Variants in ANXA10 observed in about 807,000 individuals in gnomAD.
The protein encoded by ANXA10 is annexin 14.
In ANXA10, 49 loss-of-function variants were observed where a neutral mutation model predicts 53.5. That is an observed-to-expected ratio of 0.92 (90% CI 0.73 to 1.16). The LOEUF (loss-of-function observed/expected upper bound fraction) is 1.16. Ranked by LOEUF, ANXA10 falls within the 50% of genes most tolerant of loss-of-function variation. The pLI, the probability that ANXA10 is intolerant of heterozygous loss-of-function variation, is 0.00. For synonymous variants in ANXA10, 131 were observed against 128.9 expected (o/e 1.02, Z -0.11); for missense variants, 393 against 394.4 (o/e 1.00, Z 0.03).
At chr4:168,122,959 G>A (rs1731011181) in intron 1 of ANXA10, among the ~76,000 whole-genome samples, 1 of 152,108 alleles carries the variant, frequency 6.6e-6, no homozygotes, top group Non-Finnish European at 1.5e-5. Context: ...TCAAAATCCT[G>A]CCAGTCTATT....
chr4:168,105,259 C>G (rs1488049707), intron 1 of ANXA10, among the ~76,000 whole-genome samples: 2 of 151,924 alleles, frequency 1.3e-5, no homozygotes, highest in East Asian at 3.9e-4. Context: ...TGACTCTCTC[C>G]ATTCTCCCAC....
At chr4:168,174,581 G>C (rs758168957) in intron 6 of ANXA10, among the ~76,000 whole-genome samples, 15 of 152,322 alleles carry the variant, frequency 9.8e-5, no homozygotes, top group Non-Finnish European at 2.1e-4. Flanking sequence ...CACAAGCCCA[G>C]GGCGAGCAAG....
Position 168,165,267 on chromosome 4 carries a change from G to A in ANXA10, c.421G>A (p.Glu141Lys). 6.3e-6 allele frequency: 10 copies of A among 1,590,860 alleles called. 1 individual carries two copies. The South Asian group carries it at 6.8e-5, about 11-fold the overall frequency. Residue 141 changes from glutamate to lysine, a missense_variant, in exon 6 of 12, where the codon GAG becomes AAG. Transcript: ENST00000359299. ...YCLQYSNNLQEDIYSETSGHF... is the reference protein window; with the variant it reads ...YCLQYSNNLQKDIYSETSGHF... Reference sequence around the variant, plus strand: ...TACAGAATACAGCAATAACCTCCAAGAGGACATTTATTCAGAGACCTCAGG... The same window carrying A: ...TACAGAATACAGCAATAACCTCCAAAAGGACATTTATTCAGAGACCTCAGG...
chr4:168,112,068 C>T (rs535131353), intron 1 of ANXA10, among the ~76,000 whole-genome samples: 7 of 152,152 alleles, frequency 4.6e-5, no homozygotes, highest in South Asian at 4.1e-4. Flanking sequence ...CCAAGGCAGG[C>T]GGATCACTTG....
At chr4:168,114,517 G>A (rs1730859952) in intron 1 of ANXA10, among the ~76,000 whole-genome samples, 1 of 152,052 alleles carries the variant, frequency 6.6e-6, no homozygotes, top group African/African-American at 2.4e-5. Context: ...TGTTTTTTTA[G>A]CAATTTTTAA....
At chr4:168,131,540 T>C (rs1731156896) in intron 2 of ANXA10, among the ~76,000 whole-genome samples, 1 of 152,036 alleles carries the variant, frequency 6.6e-6, no homozygotes, top group South Asian at 2.1e-4. Flanking sequence ...TTCTGTCTGC[T>C]GGATTTTTAA....
intron 1 of ANXA10, among the ~76,000 whole-genome samples, chr4:168,099,398 T>A (rs1293515786): frequency 6.6e-6 from 1 of 152,124 alleles, no homozygotes; most frequent in African/African-American, 2.4e-5. Flanking sequence ...GTACCTTTCC[T>A]CACCTGTGGG....
intron 3 of ANXA10, among the ~76,000 whole-genome samples, chr4:168,155,803 T>G (rs1178920656): frequency 3.5e-5 from 1 of 28,730 alleles, no homozygotes. Flanking sequence ...TAATATATAA[T>G]ATATGATATA....
chr4:168,162,030 T>C (rs773863896), intron 3 of ANXA10, among the ~76,000 whole-genome samples: 7 of 152,202 alleles, frequency 4.6e-5, no homozygotes, highest in Non-Finnish European at 7.3e-5. Context: ...ATATTGCTTG[T>C]TATTTGAAGA....
intron 6 of ANXA10, among the ~76,000 whole-genome samples, chr4:168,165,888 G>A (rs1335762708): frequency 6.6e-6 from 1 of 152,044 alleles, no homozygotes; most frequent in African/African-American, 2.4e-5. Flanking sequence ...TGTTGGCAAG[G>A]CTGGTCTCAA....
intron 1 of ANXA10, among the ~76,000 whole-genome samples, chr4:168,110,020 C>T (rs1029526034): frequency 2.0e-5 from 3 of 152,040 alleles, no homozygotes; most frequent in Admixed American, 6.6e-5. Flanking sequence ...ACCATCCTGG[C>T]GAAGACGGTG....
rs1267953555 is a variant in ANXA10, at chr4:168,092,732, T to C, written c.18+14T>C. ...TGTGGAGACTATGTGAGTATAATGC[T>C]TATTTCTGTAAAGCTTTTCACTCTT... On this transcript the variant is annotated intron_variant, in intron 1 of 11. Transcript: ENST00000359299. The C allele has an allele frequency of 1.3e-6, 2 of 1,558,650 alleles. No homozygotes were observed. The highest frequency in any genetic ancestry group is 1.7e-6 in the Non-Finnish European group (2 of 1,154,912).
At chr4:168,115,989 C>T (rs538631687) in intron 1 of ANXA10, among the ~76,000 whole-genome samples, 3 of 152,032 alleles carry the variant, frequency 2.0e-5, no homozygotes, top group East Asian at 1.9e-4. Flanking sequence ...TCTCTGAGCT[C>T]GCATTACGTC....
chr4:168,128,164 T>G lies in ANXA10; in HGVS notation c.99T>G (p.Phe33Leu), dbSNP rs772244873. The G allele has an allele frequency of 4.0e-5, 64 of 1,610,458 alleles. No homozygotes were observed. The highest frequency in any genetic ancestry group is 5.4e-5 in the Non-Finnish European group (64 of 1,177,240). The change falls in exon 2 of 12, where the codon TTT (phenylalanine) becomes TTG (leucine). Residue 33 changes from phenylalanine (F) to leucine (L), a missense_variant and splice_region_variant. By Grantham distance (22) the Phe-to-Leu change is conservative (BLOSUM62 0). Coordinates refer to ENST00000359299, the MANE Select transcript of ANXA10 (RefSeq NM_007193.5). ...TGCTAGGAGGAGCACTCCAAGGATT[T>G]GGTAAGTCTGATTATTTCTACCATC... The part of the protein sequence containing the change: ...AQMLGGALQG[F>L]DCDKDMLINI...
At chr4:168,142,002 T>C (rs1387542436) in intron 3 of ANXA10, among the ~76,000 whole-genome samples, 1 of 152,160 alleles carries the variant, frequency 6.6e-6, no homozygotes, top group Non-Finnish European at 1.5e-5. Flanking sequence ...AGTAAGGTCG[T>C]ACAGCAGTCA....
At chr4:168,186,148 T>C (rs1207935861) in intron 11 of ANXA10, among the ~76,000 whole-genome samples, 2 of 152,260 alleles carry the variant, frequency 1.3e-5, no homozygotes, top group Non-Finnish European at 2.9e-5. Context: ...AACTTTGCTA[T>C]GTACATTTAA....
intron 6 of ANXA10, among the ~76,000 whole-genome samples, chr4:168,173,877 C>A (rs1732066748): frequency 6.6e-6 from 1 of 151,794 alleles, no homozygotes; most frequent in Non-Finnish European, 1.5e-5. Context: ...TGAGTGGTGC[C>A]TTTTTTTTAG....
At chr4:168,123,292 C>A (rs201540524) in intron 1 of ANXA10, among the ~76,000 whole-genome samples, 7 of 137,164 alleles carry the variant, frequency 5.1e-5, no homozygotes, top group South Asian at 2.3e-4. Context: ...ACAAAAAAAA[C>A]CCAGACTTTA....
intron 3 of ANXA10, among the ~76,000 whole-genome samples, chr4:168,139,987 A>G (rs1578911433): frequency 6.6e-6 from 1 of 152,210 alleles, no homozygotes; most frequent in East Asian, 1.9e-4. Flanking sequence ...CTTTTCCTAC[A>G]GTTCCTTGCA....
Sources: gnomAD v4.1 joint callset for allele counts (sites outside exome capture counted in the v4.1 genomes callset) on GRCh38, gnomAD v4.1.1 for gene constraint, MANE v1.5 for transcripts, NCBI Gene and HGNC (gene_info 2026-07-23, HGNC 2026-07-21) for gene names.